IMMP2L: variants seen among roughly 807,000 people sequenced by gnomAD.
The protein encoded by IMMP2L is inner mitochondrial membrane peptidase subunit 2.
A neutral mutation model predicts 19.3 loss-of-function variants in IMMP2L; 18 were observed. That is an observed-to-expected ratio of 0.93 (90% CI 0.64 to 1.38). The LOEUF is 1.38. Ranked by LOEUF, IMMP2L falls within the 40% of genes most tolerant of loss-of-function variation. The pLI is 0.00. For missense variants in IMMP2L, 233 were observed against 218.2 expected (o/e 1.07, Z -0.43); for synonymous variants, 76 against 73.0 (o/e 1.04, Z -0.21).
At chr7:111,040,209 T>C (rs1155408) in intron 3 of IMMP2L, among the ~76,000 whole-genome samples, 150,127 of 152,298 alleles carry the variant, frequency 0.99, 74,023 homozygotes, top group Middle Eastern at 1. Flanking sequence ...TAATTATTTC[T>C]GTGATTAAAA....
At position 111,200,434 on chromosome 7, in the gene IMMP2L, C is replaced by T. The variant is rs1357861865; in HGVS notation, c.240-236869G>A. ...GCTTTATTTACACCATCAAAGTTTG[C>T]CCAACAGTAGGGATTATTACAAATG... is the stretch of plus-strand genomic sequence containing the variant. On this transcript the variant is annotated intron_variant, in intron 3 of 5. Transcript: ENST00000405709. 2.6e-5 allele frequency among the ~76,000 whole-genome samples: 4 copies of T among 151,928 alleles called. No individual in the cohort carries two copies. In the South Asian group the frequency reaches 6.2e-4, roughly 24 times the overall value.
chr7:110,818,609 A>G (rs1802751259), intron 5 of IMMP2L, among the ~76,000 whole-genome samples: 1 of 152,136 alleles, frequency 6.6e-6, no homozygotes, highest in Non-Finnish European at 1.5e-5. Flanking sequence ...CTATCCCATT[A>G]CTGGGTATAT....
intron 2 of IMMP2L, among the ~76,000 whole-genome samples, chr7:111,506,881 A>C (rs1844963007): frequency 6.6e-6 from 1 of 151,958 alleles, no homozygotes; most frequent in Non-Finnish European, 1.5e-5. Flanking sequence ...TCACGGTGTC[A>C]CCCAGGCTGA....
In IMMP2L at chr7:110,867,919, T is replaced by C. The variant is rs546315898; in HGVS notation, c.408+18674A>G. The stretch of plus-strand genomic sequence containing the variant: ...ATGCTGACATTTCTCGGCCTCTCCA[T>C]GCACTGCTCAGTCATGGTGTTGTCA... On this transcript the variant is annotated intron_variant, in intron 5 of 5. Coordinates refer to ENST00000405709, the MANE Select transcript of IMMP2L (RefSeq NM_032549.4). Among the ~76,000 whole-genome samples, 7 of 152,132 alleles carry C rather than the reference T, an allele frequency of 4.6e-5. No individual in the cohort carries two copies. The South Asian group carries it at 1.0e-3, about 23-fold the overall frequency.
chr7:111,384,718 C>T (rs1402566983), intron 3 of IMMP2L, among the ~76,000 whole-genome samples: 2 of 152,214 alleles, frequency 1.3e-5, no homozygotes, highest in East Asian at 3.9e-4. Flanking sequence ...AAATGAGTCA[C>T]GTAGCAGTAA....
intron 5 of IMMP2L, among the ~76,000 whole-genome samples, chr7:110,747,686 A>C (rs7784309): frequency 0.66 from 100,684 of 152,054 alleles, 33,406 homozygotes; most frequent in East Asian, 0.81. Context: ...AAGCCTTCGA[A>C]AAAATTCAAC....
intron 2 of IMMP2L, among the ~76,000 whole-genome samples, chr7:111,517,695 C>G (rs910312341): frequency 6.6e-6 from 1 of 152,116 alleles, no homozygotes; most frequent in African/African-American, 2.4e-5. Flanking sequence ...ATTCCACCTA[C>G]ATAAATTCCC....
At chr7:110,941,843 G>A (rs754162952) in intron 4 of IMMP2L, among the ~76,000 whole-genome samples, 26 of 151,998 alleles carry the variant, frequency 1.7e-4, no homozygotes, top group South Asian at 4.1e-4. Context: ...TGACAGTGTG[G>A]TAACAAATTC....
intron 3 of IMMP2L, among the ~76,000 whole-genome samples, chr7:111,157,921 A>G (rs1222319730): frequency 6.6e-6 from 1 of 151,986 alleles, no homozygotes; most frequent in African/African-American, 2.4e-5. Context: ...CCATAATTAA[A>G]CAGTGAACAC....
intron 2 of IMMP2L, among the ~76,000 whole-genome samples, chr7:111,515,761 GT>G (rs927867150): frequency 1.1e-4 from 16 of 152,080 alleles, no homozygotes; most frequent in Middle Eastern, 3.4e-3. Flanking sequence ...TAAGAGAAAC[GT>G]ATCTTCCATC....
At chr7:110,697,291 A>T (rs1323769780) in intron 5 of IMMP2L, among the ~76,000 whole-genome samples, 1 of 152,238 alleles carries the variant, frequency 6.6e-6, no homozygotes, top group East Asian at 1.9e-4. Context: ...GACTAATCAT[A>T]GCTGAAACAC....
At chr7:111,160,280 T>C (rs1646931030) in intron 3 of IMMP2L, among the ~76,000 whole-genome samples, 1 of 152,084 alleles carries the variant, frequency 6.6e-6, no homozygotes, top group Non-Finnish European at 1.5e-5. Flanking sequence ...AACGCTATAA[T>C]AAAATGCTTC....
chr7:111,527,306 A>G (rs1259323808), intron 1 of IMMP2L, among the ~76,000 whole-genome samples: 5 of 151,298 alleles, frequency 3.3e-5, no homozygotes, highest in African/African-American at 1.2e-4. Flanking sequence ...AGTCCTATCT[A>G]CTTGGGAGGC....
At chr7:111,318,137 A>G (rs1376295687) in intron 3 of IMMP2L, among the ~76,000 whole-genome samples, 1 of 152,160 alleles carries the variant, frequency 6.6e-6, no homozygotes, top group African/African-American at 2.4e-5. Flanking sequence ...TAGCAGTTTT[A>G]TTTTCCAATA....
chr7:111,265,019 G>A (rs1817686991), intron 3 of IMMP2L, among the ~76,000 whole-genome samples: 1 of 152,132 alleles, frequency 6.6e-6, no homozygotes. Flanking sequence ...AAGCAAGCAA[G>A]CTTGTTTACA....
chr7:110,986,127 C>G (rs1343854021), intron 3 of IMMP2L, among the ~76,000 whole-genome samples: 1 of 152,104 alleles, frequency 6.6e-6, no homozygotes, highest in Non-Finnish European at 1.5e-5. Flanking sequence ...CAAGTTGTTG[C>G]CACCTGGCTC....
At chr7:111,350,702 C>A (rs1287273277) in intron 3 of IMMP2L, among the ~76,000 whole-genome samples, 1 of 152,058 alleles carries the variant, frequency 6.6e-6, no homozygotes, top group African/African-American at 2.4e-5. Flanking sequence ...GTATTTTATA[C>A]TATAGGAAAA....
At chr7:110,824,977 G>C (rs1284838501) in intron 5 of IMMP2L, among the ~76,000 whole-genome samples, 2 of 152,044 alleles carry the variant, frequency 1.3e-5, no homozygotes, top group Non-Finnish European at 1.5e-5. Flanking sequence ...AAGCTGATAA[G>C]CAACTTCAGC....
At chr7:111,124,078 G>T (rs1438108625) in intron 3 of IMMP2L, 1 of 1,613,992 alleles carries the variant, frequency 6.2e-7, no homozygotes, top group Non-Finnish European at 8.5e-7. Flanking sequence ...AAATGTAGAA[G>T]CTGGGAGCTA....
Sources: allele counts gnomAD v4.1 joint callset (sites outside exome capture counted in the v4.1 genomes callset), GRCh38; gene constraint gnomAD v4.1.1; transcripts MANE v1.5; gene names NCBI Gene and HGNC (gene_info 2026-07-23, HGNC 2026-07-21).